Variants in STK24 observed in about 807,000 individuals in gnomAD.
The protein encoded by STK24 is serine/threonine kinase 24, also known as serine/threonine-protein kinase 24.
In STK24, 21 loss-of-function variants were observed where a neutral mutation model predicts 55.6. The observed-to-expected ratio is 0.38, with a 90% CI of 0.27 to 0.54. The LOEUF is 0.54. Among genes scored for constraint, STK24 ranks in the 20% least tolerant of loss-of-function variants. The pLI is 0.79. For synonymous variants in STK24, 200 were observed against 215.2 expected (o/e 0.93, Z 0.62); for missense variants, 383 against 538.4 (o/e 0.71, Z 2.86).
intron 2 of STK24, among the ~76,000 whole-genome samples, chr13:98,489,198 G>A (rs1286305847): frequency 3.9e-5 from 6 of 152,312 alleles, no homozygotes; most frequent in Middle Eastern, 3.4e-3. Context: ...GAGGGGCTTC[G>A]ATGATGATGA....
chr13:98,463,622 A>G lies in STK24; in HGVS notation c.929+69T>C, dbSNP rs887450803. 8.0e-6 allele frequency: 12 copies of G among 1,504,394 alleles called. No individual in the cohort carries two copies. In the East Asian group the frequency reaches 1.7e-4, roughly 21 times the overall value. The allele number at this position is 1,504,394 out of a possible 1,614,324, so 93.2% of individuals were successfully genotyped here. ...AAACTCAACAGAAAACGAAACCCAC[A>G]CCAAACAGTGACAAAGACCAGCGGA... is the stretch of plus-strand genomic sequence containing the variant. On this transcript the variant is annotated intron_variant, in intron 7 of 10. Transcript: ENST00000539966.
chr13:98,556,536 A>AC (rs199889730), intron 1 of STK24, among the ~76,000 whole-genome samples: 27,575 of 152,178 alleles, frequency 0.18, 2,615 homozygotes, highest in African/African-American at 0.23. Flanking sequence ...AACAACAACA[A>AC]AAAAATCACT....
chr13:98,508,357 T>C (rs35468936), intron 2 of STK24, among the ~76,000 whole-genome samples: 200 of 152,232 alleles, frequency 1.3e-3, no homozygotes, highest in Non-Finnish European at 2.4e-3. Flanking sequence ...ACCTGTGGTA[T>C]CAAAAACCAA....
At chr13:98,458,158 A>G (rs1893544642) in intron 9 of STK24, among the ~76,000 whole-genome samples, 2 of 152,170 alleles carry the variant, frequency 1.3e-5, no homozygotes, top group South Asian at 2.1e-4. Context: ...TGGCACCTCT[A>G]CTCCCAAGAG....
intron 1 of STK24, among the ~76,000 whole-genome samples, chr13:98,563,859 CAAA>C (rs1366378656): frequency 3.6e-5 from 3 of 83,088 alleles, no homozygotes; most frequent in Admixed American, 2.7e-4. Context: ...GACTCCGTCT[CAAA>C]AAAAAAAAAA....
intron 1 of STK24, among the ~76,000 whole-genome samples, chr13:98,564,139 C>T (rs1471523393): frequency 6.6e-6 from 1 of 152,184 alleles, no homozygotes; most frequent in Non-Finnish European, 1.5e-5. Context: ...ACATTGAAAA[C>T]TCTACTGATA....
chr13:98,532,277 C>T (rs565837974), intron 1 of STK24, among the ~76,000 whole-genome samples: 1 of 152,260 alleles, frequency 6.6e-6, no homozygotes, highest in South Asian at 2.1e-4. Context: ...CGGCACCTCA[C>T]CTTTTTCATC....
At chr13:98,493,057 AT>A (rs1895102716) in intron 2 of STK24, among the ~76,000 whole-genome samples, 2 of 152,250 alleles carry the variant, frequency 1.3e-5, no homozygotes, top group Non-Finnish European at 2.9e-5. Flanking sequence ...AAGTACATCA[AT>A]TTATGAAAAC....
intron 1 of STK24, among the ~76,000 whole-genome samples, chr13:98,543,864 C>G (rs1464501402): frequency 6.6e-6 from 1 of 152,176 alleles, no homozygotes; most frequent in African/African-American, 2.4e-5. Context: ...GTCACCCACA[C>G]GCATAAACCA....
At chr13:98,469,711 C>T (rs867930950) in intron 5 of STK24, among the ~76,000 whole-genome samples, 4 of 152,048 alleles carry the variant, frequency 2.6e-5, no homozygotes, top group Non-Finnish European at 5.9e-5. Flanking sequence ...TCTACCCCTC[C>T]TAACTTTGGA....
chr13:98,557,376 GT>G (rs1897309700), intron 1 of STK24, among the ~76,000 whole-genome samples: 2 of 152,198 alleles, frequency 1.3e-5, no homozygotes, highest in Admixed American at 6.5e-5. Flanking sequence ...TTCCATGCTA[GT>G]CATCAGCCCC....
chr13:98,480,188 T>C (rs1010554791), intron 3 of STK24, among the ~76,000 whole-genome samples: 33 of 152,258 alleles, frequency 2.2e-4, no homozygotes, highest in African/African-American at 7.7e-4. Context: ...AGTTTTACCC[T>C]TCCTTCCAAC....
chr13:98,534,576 C>T (rs1345210805), intron 1 of STK24, among the ~76,000 whole-genome samples: 2 of 152,158 alleles, frequency 1.3e-5, no homozygotes, highest in Non-Finnish European at 2.9e-5. Flanking sequence ...GATTCTGAAC[C>T]TCCCAAAACT....
chr13:98,468,325 T>C (rs1236374791), intron 5 of STK24, among the ~76,000 whole-genome samples: 2 of 152,248 alleles, frequency 1.3e-5, no homozygotes, highest in African/African-American at 2.4e-5. Context: ...AGTAATACTA[T>C]TTTCCTTCCC....
At chr13:98,473,041 T>C (rs1207260220) in intron 5 of STK24, among the ~76,000 whole-genome samples, 2 of 151,550 alleles carry the variant, frequency 1.3e-5, no homozygotes, top group Non-Finnish European at 2.9e-5. Context: ...AAATGGTGAC[T>C]ACAACACAGC....
chr13:98,516,004 A>C (rs1594630650), intron 2 of STK24, among the ~76,000 whole-genome samples: 1 of 152,318 alleles, frequency 6.6e-6, no homozygotes, highest in East Asian at 1.9e-4. Flanking sequence ...AAATCCATTT[A>C]ATCTGTATCC....
chr13:98,521,463 G>C (rs1896257173), intron 1 of STK24, among the ~76,000 whole-genome samples: 1 of 152,120 alleles, frequency 6.6e-6, no homozygotes. Context: ...TTTTTCAAGT[G>C]AAGACTGTTT....
intron 1 of STK24, among the ~76,000 whole-genome samples, chr13:98,541,213 T>C (rs1364121354): frequency 6.6e-6 from 1 of 152,172 alleles, no homozygotes; most frequent in Admixed American, 6.5e-5. Context: ...TAATTTTGAG[T>C]TGGTCCGGGG....
At chr13:98,493,312 G>A (rs1177141933) in intron 2 of STK24, among the ~76,000 whole-genome samples, 1 of 152,180 alleles carries the variant, frequency 6.6e-6, no homozygotes, top group East Asian at 1.9e-4. Context: ...CTGCTAATGG[G>A]AAGTTTCTGT....
Sources: allele counts gnomAD v4.1 joint callset (sites outside exome capture counted in the v4.1 genomes callset), GRCh38; gene constraint gnomAD v4.1.1; transcripts MANE v1.5; gene names NCBI Gene and HGNC (gene_info 2026-07-23, HGNC 2026-07-21).